EEA1: variants seen among roughly 807,000 people sequenced by gnomAD.
The protein encoded by EEA1 is early endosome antigen 1.
In EEA1, 111 loss-of-function variants were observed where a neutral mutation model predicts 209.2. That is an observed-to-expected ratio of 0.53 (90% CI 0.45 to 0.62). EEA1 has a LOEUF of 0.62. Among genes scored for constraint, EEA1 ranks in the 20% least tolerant of loss-of-function variants. EEA1 has a pLI of 0.00. For missense variants in EEA1, 1,343 were observed against 1,530.8 expected (o/e 0.88, Z 2.05); for synonymous variants, 536 against 540.6 (o/e 0.99, Z 0.12).
At chr12:92,888,812 C>A (rs988863471) in intron 2 of EEA1, among the ~76,000 whole-genome samples, 1 of 151,824 alleles carries the variant, frequency 6.6e-6, no homozygotes, top group Non-Finnish European at 1.5e-5. Context: ...ATCCTCGAAA[C>A]GGAAGGAAAG....
At position 92,852,970 on chromosome 12, in the gene EEA1, A is replaced by C; in HGVS notation, c.462T>G (p.Ile154Met). 1 of 1,612,352 alleles carries C rather than the reference A, an allele frequency of 6.2e-7. No homozygotes were observed. Residue 154 changes from isoleucine to methionine, a missense_variant, in exon 7 of 29, where the codon ATT (isoleucine) becomes ATG (methionine). Ile to Met is a conservative substitution (Grantham distance 10, BLOSUM62 1). Coordinates refer to ENST00000322349, the MANE Select transcript of EEA1 (RefSeq NM_003566.4). ...GTTCAAATAAGTCTTTCATTTGCTT[A>C]ATATTAAAATTTTCTGTTTGGGCTT... ...LEEAQTENFN[I>M]KQMKDLFEQK... is the part of the protein sequence containing the mutation.
chr12:92,818,865 C>G (rs1875918248), intron 14 of EEA1, among the ~76,000 whole-genome samples: 1 of 152,154 alleles, frequency 6.6e-6, no homozygotes, highest in Non-Finnish European at 1.5e-5. Context: ...AAGACATATA[C>G]TTTATCAAAA....
At chr12:92,811,868 A>AT (rs917741527) in intron 16 of EEA1, among the ~76,000 whole-genome samples, 6 of 151,670 alleles carry the variant, frequency 4.0e-5, no homozygotes, top group African/African-American at 9.7e-5. Context: ...ACAAAAAAAA[A>AT]AAAATAAAAT....
At chr12:92,830,363 C>T (rs1357501812) in intron 11 of EEA1, among the ~76,000 whole-genome samples, 2 of 152,052 alleles carry the variant, frequency 1.3e-5, no homozygotes, top group African/African-American at 4.8e-5. Flanking sequence ...CTGTTGTTCC[C>T]TTCTTTGTGT....
intron 13 of EEA1, among the ~76,000 whole-genome samples, chr12:92,820,390 T>A (rs4343066): frequency 6.6e-6 from 1 of 152,072 alleles, no homozygotes; most frequent in Admixed American, 6.5e-5. Flanking sequence ...GATCAGTCAC[T>A]TTCAAGCATA....
At chr12:92,898,539 C>T (rs1252791174) in intron 1 of EEA1, among the ~76,000 whole-genome samples, 1 of 151,824 alleles carries the variant, frequency 6.6e-6, no homozygotes, top group Non-Finnish European at 1.5e-5. Flanking sequence ...TGGTGCACAC[C>T]TGTAATCCCA....
intron 1 of EEA1, among the ~76,000 whole-genome samples, chr12:92,895,569 C>G (rs892445959): frequency 7.2e-5 from 11 of 151,914 alleles, no homozygotes; most frequent in Non-Finnish European, 1.2e-4. Flanking sequence ...CCTGGTCACC[C>G]AAGAGCTCTC....
chr12:92,899,345 A>G (rs1880059157), intron 1 of EEA1, among the ~76,000 whole-genome samples: 1 of 152,236 alleles, frequency 6.6e-6, no homozygotes, highest in Admixed American at 6.5e-5. Flanking sequence ...CCTAACTTCA[A>G]TTTGCTACAG....
rs189943159 is a variant in EEA1, at chr12:92,872,751, G to C, written c.118-7764C>G. Among the ~76,000 whole-genome samples, 316 of 152,192 alleles carry C rather than the reference G, an allele frequency of 2.1e-3. 2 individuals carry two copies. Among genetic ancestry groups the C allele is most frequent in the African/African-American group, 7.4e-3 (306 of 41,538 alleles). On this transcript the variant is annotated intron_variant, in intron 2 of 28. Coordinates refer to ENST00000322349, the MANE Select transcript of EEA1 (RefSeq NM_003566.4). ...GCAGATCACTTGAGGTCAGGAGTTC[G>C]AGACCAGTCTGGCCAACATGGTGAA...
At chr12:92,790,145 C>T (rs1375275333) in intron 21 of EEA1, among the ~76,000 whole-genome samples, 16 of 152,130 alleles carry the variant, frequency 1.1e-4, no homozygotes. Flanking sequence ...CATCAAAGAC[C>T]AAAGGTAGAT....
At chr12:92,903,392 G>A (rs1234493916) in intron 1 of EEA1, among the ~76,000 whole-genome samples, 1 of 151,858 alleles carries the variant, frequency 6.6e-6, no homozygotes, top group Admixed American at 6.6e-5. Context: ...GAGGTCGGGA[G>A]TTTGAGACCA....
intron 9 of EEA1, among the ~76,000 whole-genome samples, chr12:92,843,550 T>C (rs1183465997): frequency 2.0e-5 from 3 of 152,160 alleles, no homozygotes; most frequent in African/African-American, 7.2e-5. Context: ...TAAGCAAAGA[T>C]CTTGGAAATA....
At chr12:92,909,880 C>T (rs901023318) in intron 1 of EEA1, among the ~76,000 whole-genome samples, 6 of 152,182 alleles carry the variant, frequency 3.9e-5, no homozygotes, top group South Asian at 4.2e-4. Flanking sequence ...CAGTGGCTCA[C>T]GCCTGTAATC....
chr12:92,929,020 G>A, intron 1 of EEA1, 23 bp downstream of exon 1: 1 of 1,586,754 alleles, frequency 6.3e-7, no homozygotes, highest in Non-Finnish European at 8.6e-7. Context: ...CGTGCTGCCA[G>A]AAAGACGGTT....
chr12:92,910,513 A>C (rs1321012308), intron 1 of EEA1, among the ~76,000 whole-genome samples: 1 of 152,194 alleles, frequency 6.6e-6, no homozygotes, highest in Non-Finnish European at 1.5e-5. Flanking sequence ...ACAAACCTAA[A>C]TGTAAAACAC....
chr12:92,860,313 T>C (rs1270370620), intron 3 of EEA1, among the ~76,000 whole-genome samples: 1 of 152,114 alleles, frequency 6.6e-6, no homozygotes, highest in Non-Finnish European at 1.5e-5. Context: ...TGCACAATAA[T>C]GCCTCCCAGG....
At chr12:92,849,739 C>T (rs1877532124) in intron 9 of EEA1, among the ~76,000 whole-genome samples, 1 of 152,142 alleles carries the variant, frequency 6.6e-6, no homozygotes, top group Admixed American at 6.5e-5. Context: ...CATGGGTTAT[C>T]TATAATACTT....
At chr12:92,809,868 C>T (rs914052452) in intron 17 of EEA1, among the ~76,000 whole-genome samples, 2 of 152,148 alleles carry the variant, frequency 1.3e-5, no homozygotes, top group African/African-American at 4.8e-5. Flanking sequence ...GTTAAAAACA[C>T]TGATGTAATT....
rs137907186 is a variant in EEA1, at chr12:92,905,965, G to C, written c.25-14244C>G. 6.4e-3 allele frequency among the ~76,000 whole-genome samples: 973 copies of C among 152,102 alleles called. 11 individuals are homozygous for C. Among genetic ancestry groups the C allele is most frequent in the African/African-American group, 0.022 (918 of 41,482 alleles). ...CTGTGACCCAGGCTGAAGTGCAGTG[G>C]CACAATCATGGCTCATCGTAGCCTC... On this transcript the variant is annotated intron_variant, in intron 1 of 28. Transcript: ENST00000322349.
Sources: gnomAD v4.1 joint callset for allele counts (sites outside exome capture counted in the v4.1 genomes callset) on GRCh38, gnomAD v4.1.1 for gene constraint, MANE v1.5 for transcripts, NCBI Gene and HGNC (gene_info 2026-07-23, HGNC 2026-07-21) for gene names.